Variants in NMT2 observed in about 807,000 individuals in gnomAD.
The protein encoded by NMT2 is glycylpeptide N-tetradecanoyltransferase 2.
Under a neutral mutation model 65.4 loss-of-function variants are expected in NMT2, and 35 were observed. That is an observed-to-expected ratio of 0.54 (90% CI 0.41 to 0.71). The LOEUF (loss-of-function observed/expected upper bound fraction) is 0.71, where lower values mean the gene tolerates loss of function less well. NMT2 is among the 30% of genes least tolerant of loss of function. The pLI, the probability that NMT2 is intolerant of heterozygous loss-of-function variation, is 0.00. For synonymous variants in NMT2, 226 were observed against 231.8 expected, an observed-to-expected ratio of 0.98 and a Z score of 0.23; for missense variants, 489 against 611.3, an observed-to-expected ratio of 0.80 and a Z score of 2.11.
intron 2 of NMT2, among the ~76,000 whole-genome samples, chr10:15,137,396 T>C (rs186579763): frequency 2.0e-5 from 3 of 152,288 alleles, no homozygotes; most frequent in South Asian, 2.1e-4. Flanking sequence ...CCTATCTTAA[T>C]GACACATACA....
intron 10 of NMT2, among the ~76,000 whole-genome samples, chr10:15,110,497 G>A (rs1845474554): frequency 6.6e-6 from 1 of 152,026 alleles, no homozygotes; most frequent in Non-Finnish European, 1.5e-5. Flanking sequence ...AGATTGACTC[G>A]GCATGGTGGT....
chr10:15,154,580 GATT>G (rs1832923788), intron 1 of NMT2, among the ~76,000 whole-genome samples: 1 of 152,148 alleles, frequency 6.6e-6, no homozygotes, highest in Non-Finnish European at 1.5e-5. Context: ...TTTATGGGTA[GATT>G]ATTATTATTT....
intron 2 of NMT2, chr10:15,141,144 G>A: frequency 1.0e-6 from 1 of 989,752 alleles, no homozygotes; most frequent in East Asian, 2.6e-5. Context: ...CTCACACTGA[G>A]ACTTTCTTCT....
intron 2 of NMT2, among the ~76,000 whole-genome samples, chr10:15,139,269 TA>T (rs1846638038): frequency 6.7e-6 from 1 of 149,508 alleles, no homozygotes; most frequent in Non-Finnish European, 1.5e-5. Flanking sequence ...TCTATCTATC[TA>T]TCTATCTATC....
chr10:15,109,063 C>G lies in NMT2; in HGVS notation c.*132G>C, dbSNP rs1248484287. On this transcript the variant is annotated 3_prime_UTR_variant, in exon 12 of 12. Transcript: ENST00000378165. Reference sequence around the variant, plus strand: ...ACAAATGTCACATGTGGACTTTTGTCATCTTTTCTGATTATCGACTACTTC... The same window carrying G: ...ACAAATGTCACATGTGGACTTTTGTGATCTTTTCTGATTATCGACTACTTC... 6.6e-7 allele frequency: 1 copy of G among 1,515,648 alleles called. No individual in the cohort carries two copies. Among genetic ancestry groups the G allele is most frequent in the Non-Finnish European group, 8.8e-7 (1 of 1,142,084 alleles). The allele number at this position is 1,515,648 out of a possible 1,614,324, so 93.9% of individuals were successfully genotyped here.
intron 6 of NMT2, 146 bp from the exon 7 acceptor site, chr10:15,130,458 G>T (rs1461005816): frequency 3.1e-6 from 2 of 640,036 alleles, no homozygotes; most frequent in Non-Finnish European, 4.9e-6. Flanking sequence ...TGTAATCTCA[G>T]CACTTTGGGA....
Position 15,130,270 on chromosome 10 carries a change from C to T in NMT2, c.762G>A (p.Lys254=), listed in dbSNP as rs11259506. The T allele has an allele frequency of 1.2e-6, 2 of 1,603,052 alleles. No homozygotes were observed. Among genetic ancestry groups the T allele is most frequent in the South Asian group, 1.1e-5 (1 of 88,614 alleles). The change falls in exon 7 of 12, where the codon AAG becomes AAA. Residue 254 remains lysine (K), a synonymous_variant. Coordinates refer to ENST00000378165, the MANE Select transcript of NMT2 (RefSeq NM_004808.3). The part of the protein sequence containing the change: ...MVEINFLCVH[K]KLRSKRVAPV... ...GGGCTACCCGTTTCGATCTCAACTTCTTATGAACACAAAGAAAGTTGATTT... is the reference window on the plus strand; with the variant it reads ...GGGCTACCCGTTTCGATCTCAACTTTTTATGAACACAAAGAAAGTTGATTT...
chr10:15,135,686 A>G (rs1042992998), intron 2 of NMT2, among the ~76,000 whole-genome samples: 2 of 152,098 alleles, frequency 1.3e-5, no homozygotes, highest in Non-Finnish European at 2.9e-5. Context: ...TTTCCCATCC[A>G]TCTACAAATG....
chr10:15,160,582 C>T (rs12264530), intron 1 of NMT2, among the ~76,000 whole-genome samples: 12,765 of 151,752 alleles, frequency 0.084, 1,413 homozygotes, highest in African/African-American at 0.26. Context: ...CGAGACCAGC[C>T]GGCCAACGTG....
At chr10:15,135,679 C>A (rs941623801) in intron 2 of NMT2, among the ~76,000 whole-genome samples, 1 of 152,156 alleles carries the variant, frequency 6.6e-6, no homozygotes, top group African/African-American at 2.4e-5. Flanking sequence ...GCTTCAGTTT[C>A]CCATCCATCT....
At chr10:15,157,081 A>G (rs983862566) in intron 1 of NMT2, among the ~76,000 whole-genome samples, 61 of 152,322 alleles carry the variant, frequency 4.0e-4, no homozygotes, top group African/African-American at 1.5e-3. Flanking sequence ...GGAAAAAACT[A>G]TGGGAATTTC....
intron 1 of NMT2, among the ~76,000 whole-genome samples, chr10:15,160,916 T>C (rs1284336633): frequency 6.6e-6 from 1 of 150,418 alleles, no homozygotes; most frequent in African/African-American, 2.4e-5. Flanking sequence ...AGATTACCTA[T>C]AAAAGACAGA....
intron 1 of NMT2, among the ~76,000 whole-genome samples, chr10:15,154,086 G>T (rs1335326580): frequency 6.6e-6 from 1 of 152,208 alleles, no homozygotes; most frequent in Admixed American, 6.5e-5. Context: ...GGGAATTTGT[G>T]CCCTAAAATG....
At position 15,115,968 on chromosome 10, in the gene NMT2, C is replaced by T. The variant is rs187257224; in HGVS notation, c.1171-3005G>A. Among the ~76,000 whole-genome samples, 593 of 152,274 alleles carry T rather than the reference C, an allele frequency of 3.9e-3. 5 individuals are homozygous for T. Among genetic ancestry groups the T allele is most frequent in the African/African-American group, 0.014 (575 of 41,570 alleles). On this transcript the variant is annotated intron_variant, in intron 9 of 11. Transcript: ENST00000378165. The stretch of plus-strand genomic sequence containing the variant: ...TGACAGTGTTGGAAGGAGAAATAGA[C>T]AAATCCACAATTACAGCTGGGGACT...
Position 15,168,547 on chromosome 10 carries a change from G to A in NMT2, c.66C>T (p.Cys22=), listed in dbSNP as rs1163418588. The change falls in exon 1 of 12, where the codon TGC becomes TGT. Residue 22 remains cysteine (C), a synonymous_variant. Transcript: ENST00000378165. The stretch of plus-strand genomic sequence containing the variant: ...CCTCCTCATTGTCCCCGTCTATCCC[G>A]CACGTGTCCTGGTCGTCCAGTTCCA... ...QSLELDDQDT[C]GIDGDNEEET... 3 of 1,594,142 alleles carry A rather than the reference G, an allele frequency of 1.9e-6. No individual in the cohort carries two copies. Among genetic ancestry groups the A allele is most frequent in the Admixed American group, 1.7e-5 (1 of 58,936 alleles).
chr10:15,107,109 A>T lies in NMT2; in HGVS notation c.*2086T>A, dbSNP rs1284761358. 2.9e-4 allele frequency among the ~76,000 whole-genome samples: 2 copies of T among 6,858 alleles called. No homozygotes were observed. Among genetic ancestry groups the T allele is most frequent in the African/African-American group, 2.5e-4 (1 of 3,992 alleles). 4.5% of individuals were successfully genotyped at this position (6,858 alleles called of 152,430 possible). The stretch of plus-strand genomic sequence containing the variant: ...GGACAATAGAGTGAGACCCTGTCCT[A>T]AAAAAAAAAAAAAAAAAAGTATGGC... On this transcript the variant is annotated 3_prime_UTR_variant, in exon 12 of 12. Transcript: ENST00000378165.
chr10:15,108,707 G>A lies in NMT2; in HGVS notation c.*488C>T. The A allele has an allele frequency of 1.0e-6, 1 of 996,372 alleles. No individual in the cohort carries two copies. The highest frequency in any genetic ancestry group is 1.2e-6 in the Non-Finnish European group (1 of 837,880). 61.7% of individuals were successfully genotyped at this position (996,372 alleles called of 1,614,324 possible). A position where few individuals can be genotyped will look rare whatever the true frequency, so the allele number is the denominator to read the frequency against. ...CTACAGAAGTGTTGATTCCATAAAT[G>A]TTCCCAGTGATACCATGTAAGGTGA... On this transcript the variant is annotated 3_prime_UTR_variant, in exon 12 of 12. Coordinates refer to ENST00000378165, the MANE Select transcript of NMT2 (RefSeq NM_004808.3).
intron 1 of NMT2, among the ~76,000 whole-genome samples, chr10:15,144,512 A>G (rs946042744): frequency 6.6e-6 from 1 of 152,178 alleles, no homozygotes; most frequent in Non-Finnish European, 1.5e-5. Context: ...CGGGTAGATC[A>G]TGAGATCAGG....
chr10:15,107,883 G>T lies in NMT2; in HGVS notation c.*1312C>A, dbSNP rs1845360260. 1 of 985,212 alleles carries T rather than the reference G, an allele frequency of 1.0e-6. No homozygotes were observed. The highest frequency in any genetic ancestry group is 4.7e-5 in the South Asian group (1 of 21,286). 61.0% of individuals were successfully genotyped at this position (985,212 alleles called of 1,614,324 possible). A position where few individuals can be genotyped will look rare whatever the true frequency, so the allele number is the denominator to read the frequency against. Reference sequence around the variant, plus strand: ...AGCCATGAAAGTTTTTCAAATTCTAGATTAAAAACACCATCAGTAACAAAA... The same window carrying T: ...AGCCATGAAAGTTTTTCAAATTCTATATTAAAAACACCATCAGTAACAAAA... On this transcript the variant is annotated 3_prime_UTR_variant, in exon 12 of 12. Coordinates refer to ENST00000378165, the MANE Select transcript of NMT2 (RefSeq NM_004808.3).
Sources: allele counts gnomAD v4.1 joint callset (sites outside exome capture counted in the v4.1 genomes callset), GRCh38; gene constraint gnomAD v4.1.1; transcripts MANE v1.5; gene names NCBI Gene and HGNC (gene_info 2026-07-23, HGNC 2026-07-21).